Variants in BABAM2 observed in about 807,000 individuals in gnomAD.
The protein encoded by BABAM2 is BRISC and BRCA1-A complex member 2.
BABAM2 carries 31 observed loss-of-function variants against 54.7 expected under a neutral mutation model. The ratio of observed to expected loss-of-function variants is 0.57; its 90% CI spans 0.43 to 0.77. The LOEUF is 0.77. Ranked by LOEUF, BABAM2 falls within the 30% of genes least tolerant of loss-of-function variation. The pLI, the probability that BABAM2 is intolerant of heterozygous loss-of-function variation, is 0.00. For synonymous variants in BABAM2, 167 were observed against 162.9 expected, an observed-to-expected ratio of 1.03 and a Z score of -0.19; for missense variants, 364 against 455.8, an observed-to-expected ratio of 0.80 and a Z score of 1.83.
chr2:28,166,496 A>T (rs1673690837), intron 7 of BABAM2, among the ~76,000 whole-genome samples: 1 of 152,202 alleles, frequency 6.6e-6, no homozygotes, highest in Non-Finnish European at 1.5e-5. Context: ...GGACCGCTTC[A>T]CTTTGGTGTG....
intron 6 of BABAM2, among the ~76,000 whole-genome samples, chr2:28,073,837 A>G (rs1664397396): frequency 6.6e-6 from 1 of 152,094 alleles, no homozygotes; most frequent in Admixed American, 6.6e-5. Context: ...GGAGTGGGGG[A>G]GGTACTCTTA....
intron 4 of BABAM2, among the ~76,000 whole-genome samples, chr2:28,021,940 G>C (rs954617421): frequency 2.0e-5 from 3 of 152,124 alleles, no homozygotes; most frequent in African/African-American, 7.2e-5. Context: ...GTCTAAATTT[G>C]TGGCACTGTG....
At chr2:28,310,392 C>T in intron 11 of BABAM2, 1 of 445,566 alleles carries the variant, frequency 2.2e-6, no homozygotes, top group South Asian at 3.8e-5. Flanking sequence ...TGCAGGTCCC[C>T]TCAGGCCATC....
chr2:28,322,450 G>A lies in BABAM2; in HGVS notation c.1089-16000G>A, dbSNP rs781671184. 6.6e-6 allele frequency among the ~76,000 whole-genome samples: 1 copy of A among 152,250 alleles called. No homozygotes were observed. The highest frequency in any genetic ancestry group is 1.5e-5 in the Non-Finnish European group (1 of 68,040). ...CCAGTTCGGGAGAGAGAAGAACCCT[G>A]TAACTCTTAGAGGCGCCTTTGAGCA... On this transcript the variant is annotated intron_variant, in intron 11 of 11. Transcript: ENST00000379624. This position sits in a 1 kb window ranked among gnomAD's most constrained non-coding sequence, Gnocchi z 4.1.
At chr2:28,132,810 A>G (rs1369658090) in intron 7 of BABAM2, among the ~76,000 whole-genome samples, 2 of 152,188 alleles carry the variant, frequency 1.3e-5, no homozygotes, top group African/African-American at 4.8e-5. Flanking sequence ...AATTGGTGAT[A>G]AGGATTTTTA....
chr2:28,209,944 TC>T (rs1390154809), intron 7 of BABAM2, among the ~76,000 whole-genome samples: 1 of 152,132 alleles, frequency 6.6e-6, no homozygotes, highest in Non-Finnish European at 1.5e-5. Context: ...AAAGCAAAGG[TC>T]TAGATATAAT....
intron 3 of BABAM2, among the ~76,000 whole-genome samples, chr2:27,934,623 C>G (rs1320936601): frequency 2.0e-5 from 3 of 152,248 alleles, no homozygotes; most frequent in Non-Finnish European, 4.4e-5. Context: ...AGCTAGGCCT[C>G]TTGGCCAAAC....
chr2:28,257,946 G>C (rs1176870357), intron 10 of BABAM2, among the ~76,000 whole-genome samples: 1 of 152,150 alleles, frequency 6.6e-6, no homozygotes, highest in Non-Finnish European at 1.5e-5. Flanking sequence ...GGAGGCTGAT[G>C]CGGGCAGATC....
intron 2 of BABAM2, among the ~76,000 whole-genome samples, chr2:27,926,250 C>G (rs1242403651): frequency 6.6e-6 from 1 of 152,068 alleles, no homozygotes; most frequent in Non-Finnish European, 1.5e-5. Flanking sequence ...TTTTGCCCCT[C>G]TCTCCCTCAT....
At chr2:27,929,265 AC>A (rs886260616) in intron 2 of BABAM2, among the ~76,000 whole-genome samples, 6 of 151,650 alleles carry the variant, frequency 4.0e-5, no homozygotes, top group African/African-American at 9.7e-5. Context: ...CTGGATAACT[AC>A]CCCCCACCTT....
intron 2 of BABAM2, among the ~76,000 whole-genome samples, chr2:27,919,724 C>G (rs1667218686): frequency 6.6e-6 from 1 of 152,156 alleles, no homozygotes; most frequent in Non-Finnish European, 1.5e-5. Context: ...TTTCCCGATC[C>G]TAGTTAGCTG....
At chr2:28,309,742 C>T (rs1338885495) in intron 11 of BABAM2, among the ~76,000 whole-genome samples, 2 of 152,160 alleles carry the variant, frequency 1.3e-5, no homozygotes, top group African/African-American at 4.8e-5. Flanking sequence ...CTTCTTGGTA[C>T]CAGCACAACC....
chr2:28,328,678 G>A (rs930241906), intron 11 of BABAM2, among the ~76,000 whole-genome samples: 1 of 152,194 alleles, frequency 6.6e-6, no homozygotes, highest in Non-Finnish European at 1.5e-5. Context: ...ACAGGGTCTC[G>A]TCCACGGGGC....
At chr2:28,308,290 C>T (rs1224348227) in intron 11 of BABAM2, 4 of 411,502 alleles carry the variant, frequency 9.7e-6, no homozygotes, top group African/African-American at 8.3e-5. Flanking sequence ...CACACATCAC[C>T]CACCTGCCAG....
At chr2:28,009,023 T>C (rs1360341761) in intron 4 of BABAM2, among the ~76,000 whole-genome samples, 2 of 152,150 alleles carry the variant, frequency 1.3e-5, no homozygotes, top group Non-Finnish European at 2.9e-5. Flanking sequence ...GGTGGAGCTT[T>C]TAGCCATCGT....
chr2:28,241,256 A>C, intron 8 of BABAM2, 67 bp from the exon 9 acceptor site: 1 of 1,472,322 alleles, frequency 6.8e-7, no homozygotes, highest in South Asian at 1.1e-5. Context: ...TGAATCTTTG[A>C]AATTTCTTAT....
rs1690787826 is a variant in BABAM2, at chr2:28,329,727, A to G, written c.1089-8723A>G. Among the ~76,000 whole-genome samples, 1 of 152,230 alleles carries G rather than the reference A, an allele frequency of 6.6e-6. No homozygotes were observed. On this transcript the variant is annotated intron_variant, in intron 11 of 11. Transcript: ENST00000379624. This position sits in a 1 kb window ranked among gnomAD's most constrained non-coding sequence, Gnocchi z 4.2. ...CCAAAAAAAGCCCAGGACCAGATGAATTTACAGCTGAATTCTACCAGAGGT... is the reference window on the plus strand; with the variant it reads ...CCAAAAAAAGCCCAGGACCAGATGAGTTTACAGCTGAATTCTACCAGAGGT...
At chr2:27,963,494 GAAAA>G (rs1439573498) in intron 3 of BABAM2, among the ~76,000 whole-genome samples, 1 of 117,808 alleles carries the variant, frequency 8.5e-6, no homozygotes, top group Non-Finnish European at 1.8e-5. Context: ...AAAAAAAAAA[GAAAA>G]AGAAAAGAAG....
At chr2:28,204,524 ATTT>A (rs570805345) in intron 7 of BABAM2, among the ~76,000 whole-genome samples, 1 of 146,098 alleles carries the variant, frequency 6.8e-6, no homozygotes, top group African/African-American at 2.5e-5. Context: ...TCTTTGGCCT[ATTT>A]TTTTTTTTCA....
Sources: allele counts gnomAD v4.1 joint callset (sites outside exome capture counted in the v4.1 genomes callset), GRCh38; gene constraint gnomAD v4.1.1; non-coding constraint Gnocchi (gnomAD v3.1); transcripts MANE v1.5; gene names NCBI Gene and HGNC (gene_info 2026-07-23, HGNC 2026-07-21).